The following SLC9D1 variants were observed in gnomAD, a reference collection of about 807,000 sequenced individuals.
SLC9D1 encodes solute carrier family 9 member D1.
chr13:113,520,045 A>C, the SLC9D1 span, among the ~76,000 whole-genome samples: 207 of 152,330 alleles, frequency 1.4e-3, 6 homozygotes, highest in East Asian at 0.035. Context: ...TTGCCATGTC[A>C]CCTTTTTGTC....
the SLC9D1 span, among the ~76,000 whole-genome samples, chr13:113,532,597 C>T: frequency 6.6e-6 from 1 of 152,160 alleles, no homozygotes; most frequent in Admixed American, 6.5e-5. Context: ...AGGCAGGGAC[C>T]ACGGTGCTGG....
chr13:113,503,057 C>T, the SLC9D1 span, among the ~76,000 whole-genome samples: 309 of 152,294 alleles, frequency 2.0e-3, no homozygotes, highest in African/African-American at 7.1e-3. Flanking sequence ...GTCTTTTTCA[C>T]GTGATTCAAG....
the SLC9D1 span, among the ~76,000 whole-genome samples, chr13:113,546,112 A>G: frequency 1.3e-5 from 2 of 152,054 alleles, no homozygotes; most frequent in African/African-American, 4.8e-5. The surrounding 1 kb of genome is among the most constrained non-coding windows in gnomAD (Gnocchi z 7.1). Flanking sequence ...CCTGTGCCAT[A>G]CACTGTTGTG....
At chr13:113,542,914 A>T in the SLC9D1 span, among the ~76,000 whole-genome samples, 1 of 152,058 alleles carries the variant, frequency 6.6e-6, no homozygotes, top group Non-Finnish European at 1.5e-5. Context: ...TCGCAGGTGA[A>T]ATAGGACCAT....
At chr13:113,517,528 A>G in the SLC9D1 span, among the ~76,000 whole-genome samples, 1 of 152,316 alleles carries the variant, frequency 6.6e-6, no homozygotes, top group Non-Finnish European at 1.5e-5. Context: ...GTATTAGTGA[A>G]TAAATGGAAT....
the SLC9D1 span, among the ~76,000 whole-genome samples, chr13:113,546,134 G>T: frequency 6.6e-6 from 1 of 152,168 alleles, no homozygotes; most frequent in South Asian, 2.1e-4. The surrounding 1 kb of genome is among the most constrained non-coding windows in gnomAD (Gnocchi z 7.1). Flanking sequence ...GCTTGTCTCA[G>T]TTGTGCCGGC....
the SLC9D1 span, among the ~76,000 whole-genome samples, chr13:113,522,100 G>C: frequency 6.6e-6 from 1 of 152,140 alleles, no homozygotes; most frequent in Non-Finnish European, 1.5e-5. Flanking sequence ...GGAATGTCCA[G>C]TACTTTGTTG....
At chr13:113,541,112 C>G in the SLC9D1 span, among the ~76,000 whole-genome samples, 49 of 152,276 alleles carry the variant, frequency 3.2e-4, no homozygotes, top group Non-Finnish European at 6.0e-4. Flanking sequence ...GTTGCTGTAG[C>G]CTGTGCTAGA....
chr13:113,509,064 T>TTGGCG, the SLC9D1 span, among the ~76,000 whole-genome samples: 2 of 137,170 alleles, frequency 1.5e-5, no homozygotes, highest in Non-Finnish European at 3.1e-5. Flanking sequence ...ATGTTGGGGC[T>TTGGCG]GGTGGGCTTG....
the SLC9D1 span, among the ~76,000 whole-genome samples, chr13:113,502,455 C>T: frequency 0.012 from 1,779 of 152,142 alleles, 33 homozygotes; most frequent in African/African-American, 0.038. Context: ...CCTCATAATC[C>T]GCCCGCCTCG....
chr13:113,523,410 C>T, the SLC9D1 span, among the ~76,000 whole-genome samples: 28,116 of 152,080 alleles, frequency 0.18, 3,434 homozygotes, highest in African/African-American at 0.35. Flanking sequence ...AATTGTTCCA[C>T]TCTGTCTCAG....
the SLC9D1 span, among the ~76,000 whole-genome samples, chr13:113,543,022 CA>C: frequency 7.0e-6 from 1 of 142,646 alleles, no homozygotes; most frequent in Non-Finnish European, 1.5e-5. Context: ...CCTTGCTCTG[CA>C]CCCCCGGCCC....
chr13:113,494,907 G>C, the SLC9D1 span, among the ~76,000 whole-genome samples: 3 of 151,928 alleles, frequency 2.0e-5, no homozygotes, highest in South Asian at 6.2e-4. Context: ...TTTTGAGACA[G>C]AGTTTTGCTG....
chr13:113,512,043 G>A, the SLC9D1 span: 1 of 142,836 alleles, frequency 7.0e-6, no homozygotes, highest in Non-Finnish European at 1.5e-5. Flanking sequence ...GGAGAGGGTT[G>A]GAGTGTAGAT....
At chr13:113,516,210 T>C in the SLC9D1 span, among the ~76,000 whole-genome samples, 6 of 152,172 alleles carry the variant, frequency 3.9e-5, no homozygotes, top group Non-Finnish European at 8.8e-5. Context: ...GGATTATTTG[T>C]TCCTTGAGAT....
At chr13:113,494,790 T>C in the SLC9D1 span, among the ~76,000 whole-genome samples, 1 of 152,172 alleles carries the variant, frequency 6.6e-6, no homozygotes, top group Admixed American at 6.5e-5. Flanking sequence ...ATTTCGTTTC[T>C]GGAGTGACGT....
At chr13:113,545,318 G>A in the SLC9D1 span, among the ~76,000 whole-genome samples, 2 of 151,504 alleles carry the variant, frequency 1.3e-5, no homozygotes, top group Non-Finnish European at 2.9e-5. Flanking sequence ...AGTGAATGTG[G>A]TGCTCCTGGG....
chr13:113,494,423 G>A, the SLC9D1 span, among the ~76,000 whole-genome samples: 9 of 152,162 alleles, frequency 5.9e-5, no homozygotes, highest in Admixed American at 6.5e-5. Flanking sequence ...CAGTGCTCCT[G>A]TCTGGGTGCC....
chr13:113,501,959 A>G, the SLC9D1 span: 80 of 1,151,194 alleles, frequency 6.9e-5, no homozygotes, highest in East Asian at 1.3e-3. Flanking sequence ...AAAAGTATTG[A>G]ATGTGATTAA....
Sources: allele counts gnomAD v4.1 joint callset (sites outside exome capture counted in the v4.1 genomes callset), GRCh38; gene constraint gnomAD v4.1.1; non-coding constraint Gnocchi (gnomAD v3.1); transcripts MANE v1.5; gene names NCBI Gene and HGNC (gene_info 2026-07-23, HGNC 2026-07-21).